Variants in LIPC observed in about 807,000 individuals in gnomAD.
LIPC encodes the protein lipase C, hepatic type.
A neutral mutation model predicts 50.7 loss-of-function variants in LIPC; 44 were observed. The observed-to-expected ratio is 0.87, with a 90% CI of 0.68 to 1.11. The LOEUF is 1.11. LIPC is among the 50% of genes most tolerant of loss of function. LIPC has a pLI of 0.00. For synonymous variants in LIPC, 271 were observed against 256.4 expected, an observed-to-expected ratio of 1.06 and a Z score of -0.54; for missense variants, 697 against 648.2, an observed-to-expected ratio of 1.08 and a Z score of -0.82.
At chr15:58,448,044 T>G (rs963703126) in intron 1 of LIPC, among the ~76,000 whole-genome samples, 1 of 152,234 alleles carries the variant, frequency 6.6e-6, no homozygotes, top group Non-Finnish European at 1.5e-5. Flanking sequence ...CCCTAGGGTC[T>G]TCTGGCTGTT....
intron 1 of LIPC, among the ~76,000 whole-genome samples, chr15:58,533,532 T>C (rs916137781): frequency 1.3e-5 from 2 of 152,232 alleles, no homozygotes; most frequent in Non-Finnish European, 2.9e-5. Flanking sequence ...GAGAATTGTT[T>C]GTAATAGGGC....
intron 1 of LIPC, among the ~76,000 whole-genome samples, chr15:58,448,532 C>T (rs1337166699): frequency 6.6e-6 from 1 of 152,266 alleles, no homozygotes; most frequent in Non-Finnish European, 1.5e-5. Flanking sequence ...AAACAGACCG[C>T]AGGTGCCCTG....
At chr15:58,494,121 CT>C in intron 1 of LIPC, among the ~76,000 whole-genome samples, 1 of 152,354 alleles carries the variant, frequency 6.6e-6, no homozygotes, top group African/African-American at 2.4e-5. Context: ...ATGGGGGCCT[CT>C]CCCTAAAGCT....
chr15:58,568,863 T>A lies in LIPC; in HGVS notation c.*36T>A, dbSNP rs374595627. 16 of 1,223,036 alleles carry A rather than the reference T, an allele frequency of 1.3e-5. No individual in the cohort carries two copies. The African/African-American group carries it at 2.1e-4, about 16-fold the overall frequency. The allele number at this position is 1,223,036 out of a possible 1,614,324, so 75.8% of individuals were successfully genotyped here. On this transcript the variant is annotated 3_prime_UTR_variant, in exon 9 of 9. Transcript: ENST00000299022. ...AGACCCAGTGTAAAGAATAAATGAA[T>A]CTTACTCCTTATCTGGAATGGCTGC...
rs372553692 is a variant in LIPC, at chr15:58,548,552, G to A, written c.1031G>A (p.Arg344Gln). The A allele has an allele frequency of 1.9e-5, 31 of 1,592,434 alleles. No individual in the cohort carries two copies. Among genetic ancestry groups the A allele is most frequent in the South Asian group, 3.4e-5 (3 of 88,064 alleles). Residue 344 changes from arginine to glutamine, a missense_variant, in exon 6 of 9, where the codon CGA becomes CAA. Coordinates refer to ENST00000299022, the MANE Select transcript of LIPC (RefSeq NM_000236.3). ...AGCAAGAGGCTCTTCCTCGTAACGC[G>A]AGCCCAGTCCCCCTTCAAAGGTGAG... ...SKSKRLFLVT[R>Q]AQSPFKVYHY...
intron 1 of LIPC, among the ~76,000 whole-genome samples, chr15:58,462,608 T>G (rs1264231475): frequency 6.6e-6 from 1 of 152,154 alleles, no homozygotes; most frequent in Non-Finnish European, 1.5e-5. Context: ...TGTTTCCACT[T>G]AGATAAATTA....
intron 1 of LIPC, among the ~76,000 whole-genome samples, chr15:58,460,044 C>T (rs1312603271): frequency 2.0e-5 from 3 of 152,204 alleles, no homozygotes; most frequent in African/African-American, 4.8e-5. Context: ...GTATGGGTCC[C>T]GTACTGCAGC....
At chr15:58,443,854 G>A (rs1893592041) in intron 1 of LIPC, among the ~76,000 whole-genome samples, 1 of 147,798 alleles carries the variant, frequency 6.8e-6, no homozygotes, top group South Asian at 2.2e-4. Context: ...TTTGCGGGCA[G>A]GGGGTGGATC....
intron 1 of LIPC, among the ~76,000 whole-genome samples, chr15:58,500,926 C>CA (rs1891964068): frequency 1.3e-5 from 2 of 152,076 alleles, no homozygotes; most frequent in African/African-American, 4.8e-5. Context: ...CCTTGGAAGA[C>CA]ACACCAGGCC....
intron 1 of LIPC, among the ~76,000 whole-genome samples, chr15:58,463,977 G>A (rs752561593): frequency 6.6e-6 from 1 of 152,048 alleles, no homozygotes; most frequent in Non-Finnish European, 1.5e-5. Context: ...ACAATGACAG[G>A]TTTCAAAGAT....
In LIPC at chr15:58,559,921, G is replaced by GGT. The variant is rs537530350; in HGVS notation, c.1052-941_1052-940dup. Among the ~76,000 whole-genome samples, 538 of 152,230 alleles carry GGT rather than the reference G, an allele frequency of 3.5e-3. 5 individuals carry two copies. The highest frequency in any genetic ancestry group is 0.012 in the African/African-American group (508 of 41,528). On this transcript the variant is annotated intron_variant, in intron 6 of 8. Coordinates refer to ENST00000299022, the MANE Select transcript of LIPC (RefSeq NM_000236.3). The stretch of plus-strand genomic sequence containing the variant: ...TGCAAGCTAAGCAAACACCATCTAG[G>GGT]GTGAGGGAAGCTAAGAGCACAGATG...
chr15:58,471,525 C>T (rs1890806306), intron 1 of LIPC, among the ~76,000 whole-genome samples: 1 of 152,166 alleles, frequency 6.6e-6, no homozygotes, highest in South Asian at 2.1e-4. Context: ...TCTAAGATTA[C>T]ATCAGGCTAA....
chr15:58,567,363 ATG>A (rs1340920051), intron 8 of LIPC, among the ~76,000 whole-genome samples: 239 of 41,090 alleles, frequency 5.8e-3, no homozygotes, highest in Non-Finnish European at 0.014. Flanking sequence ...ATATATGTAT[ATG>A]TATATATATA....
intron 1 of LIPC, chr15:58,454,560 T>A (rs1431239180): frequency 6.6e-6 from 1 of 152,214 alleles, no homozygotes; most frequent in African/African-American, 2.4e-5. Flanking sequence ...GTCTGAATGA[T>A]TCACTTCTGC....
At position 58,565,919 on chromosome 15, in the gene LIPC, A is replaced by G; in HGVS notation, c.1388+2196A>G. ...CAGGTACTATCGGAGAATACAAAAAAAAAAAAAAAAATCTGAGTTGTGGCT... is the reference window on the plus strand; with the variant it reads ...CAGGTACTATCGGAGAATACAAAAAGAAAAAAAAAAATCTGAGTTGTGGCT... On this transcript the variant is annotated intron_variant, in intron 8 of 8. Transcript: ENST00000299022. The G allele has an allele frequency of 3.0e-6, 3 of 984,848 alleles. No homozygotes were observed. In the African/African-American group the frequency reaches 5.2e-5, roughly 17 times the overall value. The allele number at this position is 984,848 out of a possible 1,614,324, so 61.0% of individuals were successfully genotyped here. A position where few individuals can be genotyped will look rare whatever the true frequency, so the allele number is the denominator to read the frequency against.
At chr15:58,538,561 T>G in intron 2 of LIPC, 44 bp downstream of exon 2, 1 of 1,579,120 alleles carries the variant, frequency 6.3e-7, no homozygotes, top group Non-Finnish European at 8.7e-7. Context: ...ATTTCACATT[T>G]TCTTTTTTTC....
intron 1 of LIPC, among the ~76,000 whole-genome samples, chr15:58,533,605 AC>A (rs1453213308): frequency 1.3e-5 from 2 of 152,206 alleles, no homozygotes; most frequent in African/African-American, 4.8e-5. Context: ...AAATTACGGC[AC>A]TTTTTCCAAG....
At chr15:58,550,727 G>C (rs1009465850) in intron 6 of LIPC, among the ~76,000 whole-genome samples, 1 of 151,874 alleles carries the variant, frequency 6.6e-6, no homozygotes, top group African/African-American at 2.4e-5. Context: ...TTAAGGGCAG[G>C]ACTGACTGAA....
intron 1 of LIPC, among the ~76,000 whole-genome samples, chr15:58,530,821 G>A (rs753756633): frequency 2.0e-5 from 3 of 152,188 alleles, no homozygotes; most frequent in Non-Finnish European, 4.4e-5. Context: ...ATGTATCCAT[G>A]TTCTGGCATG....
Sources: allele counts gnomAD v4.1 joint callset (sites outside exome capture counted in the v4.1 genomes callset), GRCh38; gene constraint gnomAD v4.1.1; transcripts MANE v1.5; gene names NCBI Gene and HGNC (gene_info 2026-07-23, HGNC 2026-07-21).